The following GLIS3 variants were observed in gnomAD, a reference collection of about 807,000 sequenced individuals.
The protein encoded by GLIS3 is zinc finger protein GLIS3.
In GLIS3, 53 loss-of-function variants were observed where a neutral mutation model predicts 78.6. The ratio of observed to expected loss-of-function variants is 0.67; its 90% CI spans 0.54 to 0.85. The LOEUF is 0.85. Ranked by LOEUF, GLIS3 falls within the 40% of genes least tolerant of loss-of-function variation. The pLI is 0.00. For missense variants in GLIS3, 1,703 were observed against 1,231.1 expected, an observed-to-expected ratio of 1.38 and a Z score of -5.74; for synonymous variants, 684 against 509.9, an observed-to-expected ratio of 1.34 and a Z score of -4.60.
At chr9:3,899,855 A>G (rs1263189103) in intron 6 of GLIS3, among the ~76,000 whole-genome samples, 3 of 152,212 alleles carry the variant, frequency 2.0e-5, no homozygotes, top group Admixed American at 2.0e-4. Flanking sequence ...AACATATACA[A>G]CCTCAGATGG....
intron 1 of GLIS3, among the ~76,000 whole-genome samples, chr9:4,289,642 T>C (rs1022511026): frequency 5.9e-5 from 9 of 152,096 alleles, no homozygotes; most frequent in Non-Finnish European, 1.5e-5. Context: ...CGAACTACTC[T>C]ACCCCAGGCT....
chr9:3,829,631 C>T lies in GLIS3; in HGVS notation c.2474-139G>A, dbSNP rs2181578. 801,667 of 802,676 alleles carry T rather than the reference C, an allele frequency of 1. 400,336 individuals carry two copies. Among genetic ancestry groups the T allele is most frequent in the East Asian group, 1 (37,416 of 37,416 alleles). 49.7% of individuals were successfully genotyped at this position (802,676 alleles called of 1,614,324 possible). A position where few individuals can be genotyped will look rare whatever the true frequency, so the allele number is the denominator to read the frequency against. On this transcript the variant is annotated intron_variant, in intron 9 of 10. Coordinates refer to ENST00000381971, the MANE Select transcript of GLIS3 (RefSeq NM_001042413.2). ...CTCTTAAGGCCACCTGTAGAATCTTCCAAGCAAACATTTGGAATGCACTGT... is the reference window on the plus strand; with the variant it reads ...CTCTTAAGGCCACCTGTAGAATCTTTCAAGCAAACATTTGGAATGCACTGT...
intron 2 of GLIS3, among the ~76,000 whole-genome samples, chr9:4,262,935 A>G (rs1316972265): frequency 2.3e-5 from 2 of 86,816 alleles, no homozygotes; most frequent in Non-Finnish European, 5.0e-5. Flanking sequence ...GTTTGCCTCA[A>G]AAAAAAAAAA....
At chr9:4,063,258 T>A (rs549381296) in intron 4 of GLIS3, among the ~76,000 whole-genome samples, 1 of 152,188 alleles carries the variant, frequency 6.6e-6, no homozygotes, top group Non-Finnish European at 1.5e-5. Flanking sequence ...TAGTGAAATT[T>A]ACCTTTTATA....
chr9:3,833,529 C>T (rs1248992768), intron 9 of GLIS3, among the ~76,000 whole-genome samples: 2 of 149,704 alleles, frequency 1.3e-5, no homozygotes, highest in African/African-American at 2.5e-5. Context: ...ATTTTGTGGG[C>T]GTAAAACCTG....
chr9:4,432,540 C>A, the GLIS3 span, among the ~76,000 whole-genome samples: 8 of 152,030 alleles, frequency 5.3e-5, no homozygotes, highest in African/African-American at 1.9e-4. Flanking sequence ...CAATAGGGAC[C>A]CATGTAAATT....
At chr9:4,335,470 C>G (rs1817743118) in intron 2 of GLIS3, among the ~76,000 whole-genome samples, 1 of 152,188 alleles carries the variant, frequency 6.6e-6, no homozygotes, top group Admixed American at 6.5e-5. Context: ...GGCTTCTGCT[C>G]TAATCATCTG....
chr9:3,943,624 T>A (rs1288612287), intron 4 of GLIS3, among the ~76,000 whole-genome samples: 1 of 152,228 alleles, frequency 6.6e-6, no homozygotes, highest in African/African-American at 2.4e-5. Context: ...TAACCCAAAC[T>A]GAGTTTCCAA....
At chr9:4,425,915 G>C in the GLIS3 span, among the ~76,000 whole-genome samples, 1 of 152,152 alleles carries the variant, frequency 6.6e-6, no homozygotes, top group Non-Finnish European at 1.5e-5. Flanking sequence ...CTCAGTCCCA[G>C]GAAGGCCCCA....
At chr9:4,256,995 T>G (rs1362155926) in intron 2 of GLIS3, among the ~76,000 whole-genome samples, 1 of 152,200 alleles carries the variant, frequency 6.6e-6, no homozygotes, top group Non-Finnish European at 1.5e-5. Flanking sequence ...TATACATACA[T>G]ATTAACACAT....
At chr9:4,476,841 A>G in the GLIS3 span, among the ~76,000 whole-genome samples, 1 of 152,222 alleles carries the variant, frequency 6.6e-6, no homozygotes, top group African/African-American at 2.4e-5. Flanking sequence ...CTAAAAGCTT[A>G]AATTTGAATT....
chr9:4,241,204 TGAAAG>T (rs769371373), intron 2 of GLIS3, among the ~76,000 whole-genome samples: 1 of 152,070 alleles, frequency 6.6e-6, no homozygotes, highest in Non-Finnish European at 1.5e-5. Context: ...GGAGTAGACG[TGAAAG>T]GAAAGCAAAG....
chr9:4,038,300 T>TACCA (rs3062653), intron 4 of GLIS3, among the ~76,000 whole-genome samples: 126,806 of 151,896 alleles, frequency 0.83, 53,152 homozygotes, highest in African/African-American at 0.92. Context: ...TCCAACTTGT[T>TACCA]GGTTCCAAAA....
chr9:3,921,065 G>A (rs1300710726), intron 6 of GLIS3, among the ~76,000 whole-genome samples: 1 of 152,178 alleles, frequency 6.6e-6, no homozygotes. Context: ...GGTTGTCACT[G>A]AATCTGAAAG....
chr9:4,054,527 G>A (rs779900172), intron 4 of GLIS3: 1 of 983,542 alleles, frequency 1.0e-6, no homozygotes, highest in Non-Finnish European at 1.2e-6. Flanking sequence ...CAGAGAAGGA[G>A]GCAAACACAG....
intron 4 of GLIS3, among the ~76,000 whole-genome samples, chr9:4,084,296 A>ACACACACACAC (rs1564025137): frequency 1.6e-4 from 8 of 48,758 alleles, no homozygotes; most frequent in Admixed American, 2.6e-4. Flanking sequence ...CACACACACA[A>ACACACACACAC]ATTCCTAGCC....
At chr9:4,322,274 A>G (rs1002643684) in intron 2 of GLIS3, among the ~76,000 whole-genome samples, 1 of 152,152 alleles carries the variant, frequency 6.6e-6, no homozygotes, top group Admixed American at 6.5e-5. Flanking sequence ...AATCCAGTCT[A>G]TCACTGATGG....
chr9:4,348,781 AAC>A (rs138679614), upstream of GLIS3, among the ~76,000 whole-genome samples: 1,736 of 152,328 alleles, frequency 0.011, 37 homozygotes, highest in African/African-American at 0.039. Flanking sequence ...GTGAAAAAAA[AAC>A]AGATTAAAAA....
intron 2 of GLIS3, among the ~76,000 whole-genome samples, chr9:4,317,669 G>A (rs1010074698): frequency 1.3e-5 from 2 of 152,154 alleles, no homozygotes; most frequent in Non-Finnish European, 2.9e-5. Flanking sequence ...TCAGCAGGTT[G>A]ATCACAAAGG....
Sources: allele counts gnomAD v4.1 joint callset (sites outside exome capture counted in the v4.1 genomes callset), GRCh38; gene constraint gnomAD v4.1.1; transcripts MANE v1.5; gene names NCBI Gene and HGNC (gene_info 2026-07-23, HGNC 2026-07-21).